The following FANCM variants were observed in gnomAD, a reference collection of about 807,000 sequenced individuals.
FANCM encodes the protein FA complementation group M, also known as Fanconi anemia group M protein.
In FANCM, 140 loss-of-function variants were observed where a neutral mutation model predicts 199.5. The observed-to-expected ratio is 0.70, with a 90% CI of 0.61 to 0.81. The LOEUF is 0.81. Ranked by LOEUF, FANCM falls within the 30% of genes least tolerant of loss-of-function variation. The pLI is 0.00. For missense variants in FANCM, 2,410 were observed against 2,421.4 expected (o/e 1.00, Z 0.10); for synonymous variants, 840 against 836.8 (o/e 1.00, Z -0.07).
At chr14:45,151,082 C>T (rs1024208902) in intron 4 of FANCM, among the ~76,000 whole-genome samples, 4 of 152,118 alleles carry the variant, frequency 2.6e-5, no homozygotes, top group East Asian at 1.9e-4. Flanking sequence ...CAAAGGTCTT[C>T]GTTCATGGTA....
In FANCM at chr14:45,186,898, T is replaced by C. The variant is rs539951175; in HGVS notation, c.4673-883T>C. On this transcript the variant is annotated intron_variant, in intron 18 of 22. Transcript: ENST00000267430. ...CAGCTTCTGTGTTGAGAATGGCCTA[T>C]AGGGGAACAGAGGTAGACTGAGACC... Among the ~76,000 whole-genome samples, 5 of 152,246 alleles carry C rather than the reference T, an allele frequency of 3.3e-5. No homozygotes were observed. In the South Asian group the frequency reaches 8.3e-4, roughly 25 times the overall value.
rs1885524355 is a variant in FANCM, at chr14:45,136,530, G to C, written c.499G>C (p.Glu167Gln). 1 of 1,613,658 alleles carries C rather than the reference G, an allele frequency of 6.2e-7. No homozygotes were observed. Among genetic ancestry groups the C allele is most frequent in the African/African-American group, 1.3e-5 (1 of 75,042 alleles). Residue 167 changes from glutamate (E) to glutamine (Q), a missense_variant, in exon 1 of 23, where the codon GAA becomes CAA. Coordinates refer to ENST00000267430, the MANE Select transcript of FANCM (RefSeq NM_020937.4). ...GGGTATCCCGCAATCCCACATGGCC[G>C]AAATGACAGGTATCTTAGACTGGAC... ...VMGIPQSHMAEMTGSTQASTR... is the reference protein window; with the variant it reads ...VMGIPQSHMAQMTGSTQASTR...
At chr14:45,166,822 CTAAGTATT>C in intron 10 of FANCM, 120 bp from the exon 11 acceptor site, 4 of 611,072 alleles carry the variant, frequency 6.5e-6, no homozygotes, top group Non-Finnish European at 1.2e-5. Context: ...GCTCCATTTT[CTAAGTATT>C]TAAGTGGATC....
Position 45,181,645 on chromosome 14 carries a change from A to C in FANCM, c.4326A>C (p.Lys1442Asn), listed in dbSNP as rs1271360949. The C allele has an allele frequency of 6.2e-7, 1 of 1,611,450 alleles. No homozygotes were observed. The highest frequency in any genetic ancestry group is 8.5e-7 in the Non-Finnish European group (1 of 1,178,028). Residue 1442 changes from lysine to asparagine, a missense_variant, in exon 16 of 23, where the codon AAA becomes AAC. By Grantham distance (94) the Lys-to-Asn change is moderately conservative (BLOSUM62 0). Coordinates refer to ENST00000267430, the MANE Select transcript of FANCM (RefSeq NM_020937.4). The part of the protein sequence containing the change: ...GNVLNSPEDQ[K>N]NSEVDSPLHA... Reference sequence around the variant, plus strand: ...TTATTTACTTACTTTAGGATCAGAAAAATAGTGAAGTTGATTCTCCACTTC... The same window carrying C: ...TTATTTACTTACTTTAGGATCAGAACAATAGTGAAGTTGATTCTCCACTTC...
intron 3 of FANCM, among the ~76,000 whole-genome samples, chr14:45,142,227 C>T (rs1488529656): frequency 6.6e-6 from 1 of 152,018 alleles, no homozygotes; most frequent in Non-Finnish European, 1.5e-5. Context: ...TACTTTTCTG[C>T]TCCAGGGTTC....
In FANCM at chr14:45,175,817, T is replaced by A. The variant is rs769345719; in HGVS notation, c.3063T>A (p.Leu1021=). 8 of 1,613,796 alleles carry A rather than the reference T, an allele frequency of 5.0e-6. No individual in the cohort carries two copies. Among genetic ancestry groups the A allele is most frequent in the Non-Finnish European group, 5.9e-6 (7 of 1,179,962 alleles). ...AGGGTACTGCACTTGAGAATTTGCTTTTCTTACCCTGTGCAGAGCATTTAC... is the reference window on the plus strand; with the variant it reads ...AGGGTACTGCACTTGAGAATTTGCTATTCTTACCCTGTGCAGAGCATTTAC... ...IAKGTALENL[L]FLPCAEHLRS... The change falls in exon 14 of 23, where the codon CTT becomes CTA. Residue 1021 remains leucine (L), a synonymous_variant. Transcript: ENST00000267430.
intron 16 of FANCM, among the ~76,000 whole-genome samples, chr14:45,182,021 G>A (rs188994859): frequency 5.9e-4 from 90 of 152,286 alleles, no homozygotes; most frequent in Non-Finnish European, 1.2e-3. Context: ...TAAGATGCTG[G>A]AGATACTCTC....
Position 45,140,616 on chromosome 14 carries a change from C to CT in FANCM, c.682-7dup, listed in dbSNP as rs759364320. On this transcript the variant is annotated splice_polypyrimidine_tract_variant and intron_variant, in intron 2 of 22. Coordinates refer to ENST00000267430, the MANE Select transcript of FANCM (RefSeq NM_020937.4). ...GCATTGAACAGATGAAACTAAAGAA[C>CT]TTTTTTTTTCTTAAGGTTGTAAGAG... 974 of 1,456,578 alleles carry CT rather than the reference C, an allele frequency of 6.7e-4. No homozygotes were observed. The highest frequency in any genetic ancestry group is 8.3e-4 in the Non-Finnish European group (861 of 1,040,868). 90.2% of individuals were successfully genotyped at this position (1,456,578 alleles called of 1,614,324 possible). A position where few individuals can be genotyped will look rare whatever the true frequency, so the allele number is the denominator to read the frequency against.
chr14:45,154,974 T>G (rs944893757), intron 7 of FANCM, 152 bp downstream of exon 7: 2 of 584,428 alleles, frequency 3.4e-6, no homozygotes, highest in Non-Finnish European at 5.8e-6. Flanking sequence ...TTTTTAAGAT[T>G]AATATATATT....
In FANCM at chr14:45,136,074, A is replaced by C; in HGVS notation, c.43A>C (p.Ser15Arg). The change falls in exon 1 of 23, where the codon AGT becomes CGT. Residue 15 changes from serine to arginine, a missense_variant. Coordinates refer to ENST00000267430, the MANE Select transcript of FANCM (RefSeq NM_020937.4). ...AACGCTTTTTCAGACGTGGGGCTCA[A>C]GTATCTCCCGATCATCTGGGACTCC... ...QRTLFQTWGS[S>R]ISRSSGTPGC... The C allele has an allele frequency of 6.2e-7, 1 of 1,613,996 alleles. No homozygotes were observed. Among genetic ancestry groups the C allele is most frequent in the Non-Finnish European group, 8.5e-7 (1 of 1,180,028 alleles).
chr14:45,196,568 T>G (rs1170764367), intron 21 of FANCM, 21 bp downstream of exon 21: 2 of 1,607,460 alleles, frequency 1.2e-6, no homozygotes, highest in Non-Finnish European at 8.5e-7. Context: ...TTAAATATCT[T>G]TGTTTATAAG....
In FANCM at chr14:45,136,262, C is replaced by T. The variant is rs377164876; in HGVS notation, c.231C>T (p.Thr77=). 3.5e-5 allele frequency: 57 copies of T among 1,614,184 alleles called. No homozygotes were observed. Among genetic ancestry groups the T allele is most frequent in the Middle Eastern group, 3.3e-4 (2 of 6,062 alleles). ...GTCTAGAGAATGGCGGGTTCTGCAC[C>T]TCCGCGGGCGCCCTGTGGATTTACC... is the stretch of plus-strand genomic sequence containing the variant. ...QLCLENGGFC[T]SAGALWIYPT... Residue 77 remains threonine, a synonymous_variant, in exon 1 of 23, where the codon ACC becomes ACT. Coordinates refer to ENST00000267430, the MANE Select transcript of FANCM (RefSeq NM_020937.4).
At chr14:45,158,803 A>T (rs1029997282) in intron 8 of FANCM, among the ~76,000 whole-genome samples, 4 of 152,184 alleles carry the variant, frequency 2.6e-5, no homozygotes, top group Non-Finnish European at 5.9e-5. Flanking sequence ...AGTTTAAAAA[A>T]TTTCAAGATG....
intron 7 of FANCM, among the ~76,000 whole-genome samples, 158 bp downstream of exon 7, chr14:45,154,980 ATATT>A (rs1235528452): frequency 6.6e-6 from 1 of 152,196 alleles, no homozygotes; most frequent in Non-Finnish European, 1.5e-5. Context: ...AGATTAATAT[ATATT>A]CAAATTTAAA....
At chr14:45,197,839 C>A (rs1464263579) in intron 21 of FANCM, among the ~76,000 whole-genome samples, 1 of 150,940 alleles carries the variant, frequency 6.6e-6, no homozygotes, top group African/African-American at 2.4e-5. Flanking sequence ...TCTCGGCTCA[C>A]TGCAACCTCC....
At chr14:45,150,672 AAG>A (rs1390736247) in intron 4 of FANCM, among the ~76,000 whole-genome samples, 2 of 152,182 alleles carry the variant, frequency 1.3e-5, no homozygotes, top group East Asian at 3.8e-4. Flanking sequence ...TCTCTTCTCA[AAG>A]AGAGTCTTTG....
intron 5 of FANCM, among the ~76,000 whole-genome samples, chr14:45,152,781 T>C (rs963343236): frequency 6.6e-6 from 1 of 152,200 alleles, no homozygotes; most frequent in African/African-American, 2.4e-5. Context: ...ATAATATAGG[T>C]TGTGACTACA....
intron 10 of FANCM, among the ~76,000 whole-genome samples, chr14:45,165,020 T>C (rs1159955535): frequency 6.6e-6 from 1 of 152,108 alleles, no homozygotes; most frequent in Non-Finnish European, 1.5e-5. Flanking sequence ...ACCCAAAATA[T>C]TTACTTTCTG....
At chr14:45,164,290 A>G (rs1233851679) in intron 9 of FANCM, 69 bp from the exon 10 acceptor site, 8 of 1,322,980 alleles carry the variant, frequency 6.0e-6, no homozygotes, top group Admixed American at 3.4e-5. Flanking sequence ...GTGAGTGGGG[A>G]AAAATATGCT....
Sources: gnomAD v4.1 joint callset for allele counts (sites outside exome capture counted in the v4.1 genomes callset) on GRCh38, gnomAD v4.1.1 for gene constraint, MANE v1.5 for transcripts, NCBI Gene and HGNC (gene_info 2026-07-23, HGNC 2026-07-21) for gene names.